The following AASS variants were observed in gnomAD, a reference collection of about 807,000 sequenced individuals.
AASS encodes aminoadipate-semialdehyde synthase, also known as alpha-aminoadipic semialdehyde synthase, mitochondrial.
A neutral mutation model predicts 105.4 loss-of-function variants in AASS; 86 were observed. The ratio of observed to expected loss-of-function variants is 0.82; its 90% CI spans 0.69 to 0.98. AASS has a LOEUF of 0.98. AASS is among the 50% of genes least tolerant of loss of function. The pLI is 0.00. For synonymous variants in AASS, 381 were observed against 394.8 expected (o/e 0.96, Z 0.41); for missense variants, 1,048 against 1,143.2 (o/e 0.92, Z 1.20).
rs191772098 is a variant in AASS at position 122,126,469 on chromosome 7, G to A, written c.388-10C>T. 11 of 1,612,302 alleles carry A rather than the reference G, an allele frequency of 6.8e-6. No individual in the cohort carries two copies. Among genetic ancestry groups the A allele is most frequent in the Non-Finnish European group, 9.3e-6 (11 of 1,178,636 alleles). On this transcript the variant is annotated splice_polypyrimidine_tract_variant and intron_variant, in intron 3 of 23. Transcript: ENST00000417368. ...CAATAAGGCGAATTTCCTGAAAAGAGGATAAAAAAATTTCAACTGGACCCA... is the reference window on the plus strand; with the variant it reads ...CAATAAGGCGAATTTCCTGAAAAGAAGATAAAAAAATTTCAACTGGACCCA...
At chr7:122,103,788 A>T (rs1414403930) in intron 11 of AASS, among the ~76,000 whole-genome samples, 2 of 151,782 alleles carry the variant, frequency 1.3e-5, no homozygotes, top group Admixed American at 1.3e-4. Context: ...ATATGTGTGT[A>T]TATATACTAT....
rs1308812236 is a variant in AASS at position 122,077,560 on chromosome 7, T to C, written c.2662+278A>G. Among the ~76,000 whole-genome samples the C allele has an allele frequency of 2.0e-5, 3 of 152,246 alleles. No homozygotes were observed. In the East Asian group the frequency reaches 5.8e-4, roughly 29 times the overall value. ...CAGGGATGGCAATACCCACTTTAAA[T>C]ATGAGGAAACTCTTGCTCAAAGGTG... On this transcript the variant is annotated intron_variant, in intron 23 of 23. Coordinates refer to ENST00000417368, the MANE Select transcript of AASS (RefSeq NM_005763.4).
At chr7:122,079,748 C>T (rs755774395) in intron 20 of AASS, 36 bp from the exon 21 acceptor site, 10 of 1,512,622 alleles carry the variant, frequency 6.6e-6, no homozygotes, top group South Asian at 5.7e-5. Flanking sequence ...TTCTAAGTCC[C>T]TAACAAATTT....
chr7:122,116,790 G>A (rs1339537702), intron 7 of AASS, 30 bp from the exon 8 acceptor site: 2 of 1,613,520 alleles, frequency 1.2e-6, no homozygotes, highest in South Asian at 1.1e-5. Context: ...TTAGTAAAGT[G>A]GGTGACAAAT....
At chr7:122,108,228 G>A (rs1319814947) in intron 11 of AASS, among the ~76,000 whole-genome samples, 1 of 152,018 alleles carries the variant, frequency 6.6e-6, no homozygotes, top group Non-Finnish European at 1.5e-5. Context: ...TTTCACTACT[G>A]AACTCTACCA....
chr7:122,111,636 G>A (rs1436001165), intron 11 of AASS, among the ~76,000 whole-genome samples: 1 of 152,202 alleles, frequency 6.6e-6, no homozygotes, highest in Non-Finnish European at 1.5e-5. Context: ...GGGCGCGGTG[G>A]CTCACGCCTG....
At chr7:122,138,915 C>G (rs762597925) in intron 1 of AASS, among the ~76,000 whole-genome samples, 11 of 152,066 alleles carry the variant, frequency 7.2e-5, no homozygotes, top group Non-Finnish European at 1.2e-4. Flanking sequence ...GTCCTATGGT[C>G]ACTGAGTACA....
chr7:122,143,799 C>A (rs1329800023), intron 1 of AASS, among the ~76,000 whole-genome samples: 1 of 152,094 alleles, frequency 6.6e-6, no homozygotes, highest in Non-Finnish European at 1.5e-5. Context: ...GTTCTTTATT[C>A]CCCAGCCACA....
chr7:122,090,807 C>T (rs1025807570), intron 18 of AASS, among the ~76,000 whole-genome samples: 2 of 152,056 alleles, frequency 1.3e-5, no homozygotes, highest in African/African-American at 4.8e-5. Context: ...ATCTTAACTC[C>T]CTAAACCTGA....
rs34474265 is a variant in AASS at position 122,098,872 on chromosome 7, T to TAAAAAA, written c.1407-12_1407-7dup. ...AAAGTGACTGAGCACGTTCCCTATT[T>TAAAAAA]AAAAAAAAAAAAAAAAAAAAAAAAG... is the stretch of plus-strand genomic sequence containing the variant. On this transcript the variant is annotated splice_region_variant and splice_polypyrimidine_tract_variant and intron_variant, in intron 13 of 23. Transcript: ENST00000417368. 66 of 1,167,100 alleles carry TAAAAAA rather than the reference T, an allele frequency of 5.7e-5. No homozygotes were observed. Among genetic ancestry groups the TAAAAAA allele is most frequent in the South Asian group, 2.1e-4 (11 of 53,188 alleles). The allele number at this position is 1,167,100 out of a possible 1,614,324, so 72.3% of individuals were successfully genotyped here. A position where few individuals can be genotyped will look rare whatever the true frequency, so the allele number is the denominator to read the frequency against.
chr7:122,078,053 T>C (rs764183023), intron 22 of AASS, 39 bp from the exon 23 acceptor site: 4 of 1,584,536 alleles, frequency 2.5e-6, no homozygotes, highest in Non-Finnish European at 3.5e-6. Flanking sequence ...ACCACTATCA[T>C]TACAACTCAA....
intron 8 of AASS, 106 bp from the exon 9 acceptor site, chr7:122,115,328 C>T: frequency 7.1e-7 from 1 of 1,400,522 alleles, no homozygotes; most frequent in Admixed American, 1.8e-5. Flanking sequence ...TTAAATGTAA[C>T]TTCTAATTGA....
intron 11 of AASS, among the ~76,000 whole-genome samples, chr7:122,111,822 TGAACCTGGG>T (rs1311963653): frequency 2.0e-5 from 3 of 152,096 alleles, no homozygotes; most frequent in Non-Finnish European, 4.4e-5. Context: ...AAGAATCGCT[TGAACCTGGG>T]AGGTGGAGGT....
intron 11 of AASS, among the ~76,000 whole-genome samples, chr7:122,109,253 C>CAAAAAAAAAA (rs3069225): frequency 8.9e-6 from 1 of 112,104 alleles, no homozygotes; most frequent in Non-Finnish European, 1.9e-5. Context: ...CAATCCTTAC[C>CAAAAAAAAAA]AAAAAAAAAA....
chr7:122,130,771 C>T (rs1795871195), intron 2 of AASS, among the ~76,000 whole-genome samples: 2 of 151,872 alleles, frequency 1.3e-5, no homozygotes, highest in South Asian at 4.2e-4. Flanking sequence ...ACAATTTCTC[C>T]CTGGTTTCTT....
At chr7:122,112,044 G>C (rs1344399538) in intron 11 of AASS, among the ~76,000 whole-genome samples, 2 of 152,158 alleles carry the variant, frequency 1.3e-5, no homozygotes, top group Admixed American at 6.6e-5. Flanking sequence ...GCAAAGCCTG[G>C]CATTTGTACT....
rs187334846 is a variant in AASS at position 122,122,272 on chromosome 7, A to G, written c.473-3642T>C. 3.2e-4 allele frequency among the ~76,000 whole-genome samples: 48 copies of G among 152,228 alleles called. 1 individual carries two copies. The highest frequency in any genetic ancestry group is 1.1e-3 in the African/African-American group (46 of 41,534). ...CTTTACTTTCTTCCTTCCTCACTGC[A>G]GTAGAAATTAAACAAAATGGAGCAT... On this transcript the variant is annotated intron_variant, in intron 4 of 23. Coordinates refer to ENST00000417368, the MANE Select transcript of AASS (RefSeq NM_005763.4).
At position 122,133,638 on chromosome 7, in the gene AASS, C is replaced by T; in HGVS notation, c.89G>A (p.Arg30Lys). The change falls in exon 2 of 24, where the codon AGG becomes AAG. Residue 30 changes from arginine (R) to lysine (K), a missense_variant. Transcript: ENST00000417368. The part of the protein sequence containing the change: ...LHHKAVLAVR[R>K]EDVNAWERRA... ...TCTCTCCCAGGCGTTCACATCCTCC[C>T]TCCGGACGGCCAACACAGCTTTGTG... 2 of 1,614,202 alleles carry T rather than the reference C, an allele frequency of 1.2e-6. No homozygotes were observed. The highest frequency in any genetic ancestry group is 1.7e-6 in the Non-Finnish European group (2 of 1,180,040).
Position 122,116,632 on chromosome 7 carries a change from C to T in AASS, c.894+1G>A. Reference sequence around the variant, plus strand: ...ACTTAAAAGGTGAATATGATACTCACATCAGTATTAAAACGACTTATGTAG... The same window carrying T: ...ACTTAAAAGGTGAATATGATACTCATATCAGTATTAAAACGACTTATGTAG... On this transcript the variant is annotated splice_donor_variant, in intron 8 of 23. Transcript: ENST00000417368. LOFTEE classifies it high-confidence loss of function. 2 of 1,614,034 alleles carry T rather than the reference C, an allele frequency of 1.2e-6. No individual in the cohort carries two copies. Among genetic ancestry groups the T allele is most frequent in the East Asian group, 2.2e-5 (1 of 44,862 alleles).
Sources: allele counts gnomAD v4.1 joint callset (sites outside exome capture counted in the v4.1 genomes callset), GRCh38; gene constraint gnomAD v4.1.1; transcripts MANE v1.5; gene names NCBI Gene and HGNC (gene_info 2026-07-23, HGNC 2026-07-21).